STK3: variants seen among roughly 807,000 people sequenced by gnomAD.
STK3 encodes serine/threonine kinase 3.
STK3 carries 41 observed loss-of-function variants against 58.0 expected under a neutral mutation model. The observed-to-expected ratio is 0.71, with a 90% CI of 0.55 to 0.92. STK3 has a LOEUF of 0.92. STK3 is among the 40% of genes least tolerant of loss of function. The probability of loss-of-function intolerance (pLI) is 0.00; values close to 1 mark genes in which losing one functional copy is unlikely to be tolerated. For synonymous variants in STK3, 170 were observed against 191.0 expected, an observed-to-expected ratio of 0.89 and a Z score of 0.91; for missense variants, 479 against 602.7, an observed-to-expected ratio of 0.79 and a Z score of 2.15.
At chr8:98,909,077 C>T (rs1839034353) in intron 1 of STK3, among the ~76,000 whole-genome samples, 1 of 152,138 alleles carries the variant, frequency 6.6e-6, no homozygotes, top group African/African-American at 2.4e-5. Flanking sequence ...AGGAGAATTG[C>T]TTGAACCCAG....
intron 10 of STK3, among the ~76,000 whole-genome samples, chr8:98,517,700 C>T (rs1308248802): frequency 1.3e-5 from 2 of 152,134 alleles, no homozygotes; most frequent in Non-Finnish European, 1.5e-5. Flanking sequence ...TACTAGTTTC[C>T]TCAATCAATT....
chr8:98,669,897 G>A (rs187848719), intron 6 of STK3, among the ~76,000 whole-genome samples: 187 of 152,288 alleles, frequency 1.2e-3, no homozygotes, highest in African/African-American at 3.8e-3. Context: ...TCTTTCACAC[G>A]ATAGATGATA....
intron 1 of STK3, among the ~76,000 whole-genome samples, chr8:98,810,934 T>C (rs1834181323): frequency 6.6e-6 from 1 of 152,110 alleles, no homozygotes; most frequent in African/African-American, 2.4e-5. Context: ...TCTCTTCCCA[T>C]GTGACACACC....
chr8:98,589,796 C>T (rs758266984), intron 7 of STK3, among the ~76,000 whole-genome samples: 32 of 152,188 alleles, frequency 2.1e-4, no homozygotes, highest in Admixed American at 3.9e-4. Flanking sequence ...GATATAATCT[C>T]GTGGTGCACC....
chr8:98,813,035 TAA>T (rs11379449), intron 1 of STK3, among the ~76,000 whole-genome samples: 4 of 146,510 alleles, frequency 2.7e-5, no homozygotes, highest in Non-Finnish European at 4.5e-5. Flanking sequence ...TAAAGCACAA[TAA>T]AAAAAAAAAA....
intron 6 of STK3, among the ~76,000 whole-genome samples, chr8:98,656,136 C>T (rs1821485653): frequency 6.6e-6 from 1 of 152,110 alleles, no homozygotes; most frequent in African/African-American, 2.4e-5. Context: ...ACATATACAC[C>T]ATGGAATGAT....
At position 98,537,960 on chromosome 8, in the gene STK3, T is replaced by C. The variant is rs563813469; in HGVS notation, c.1141+10009A>G. On this transcript the variant is annotated intron_variant, in intron 9 of 10. Coordinates refer to ENST00000419617, the MANE Select transcript of STK3 (RefSeq NM_006281.4). ...CAATTATTCATTAAGTTTCCTAATTTGCACATCTTCTAAACAAGTAAAAAG... is the reference window on the plus strand; with the variant it reads ...CAATTATTCATTAAGTTTCCTAATTCGCACATCTTCTAAACAAGTAAAAAG... 7.2e-4 allele frequency among the ~76,000 whole-genome samples: 110 copies of C among 152,264 alleles called. 2 individuals are homozygous for C. In the South Asian group the frequency reaches 0.022, roughly 30 times the overall value.
downstream of STK3, chr8:98,879,220 T>C (rs1488737930): frequency 6.6e-6 from 1 of 152,248 alleles, no homozygotes; most frequent in Non-Finnish European, 1.5e-5. Context: ...TAATACAGTG[T>C]AAATGCTATG....
chr8:98,835,050 G>A (rs747924568), intron 3 of STK3, among the ~76,000 whole-genome samples: 32 of 152,176 alleles, frequency 2.1e-4, no homozygotes, highest in Admixed American at 1.8e-3. Context: ...AGTGGGTGAG[G>A]CAGCTAGACA....
chr8:98,468,122 T>C (rs1254102451), intron 10 of STK3, among the ~76,000 whole-genome samples: 2 of 152,250 alleles, frequency 1.3e-5, no homozygotes, highest in African/African-American at 4.8e-5. Flanking sequence ...CCACAGTTCA[T>C]TTAAAACAGT....
intron 6 of STK3, among the ~76,000 whole-genome samples, chr8:98,675,946 G>A (rs1365778520): frequency 6.6e-6 from 1 of 151,982 alleles, no homozygotes; most frequent in Non-Finnish European, 1.5e-5. Flanking sequence ...GCCAAAAGGT[G>A]GAAACAATCG....
At chr8:98,702,092 A>G (rs1011314498) in intron 6 of STK3, among the ~76,000 whole-genome samples, 1 of 152,186 alleles carries the variant, frequency 6.6e-6, no homozygotes, top group African/African-American at 2.4e-5. Flanking sequence ...ATATACTACA[A>G]GTTTCTTTGG....
At chr8:98,385,162 G>C (rs190829944) in intron 1 of STK3, among the ~76,000 whole-genome samples, 1 of 152,032 alleles carries the variant, frequency 6.6e-6, no homozygotes, top group Non-Finnish European at 1.5e-5. Flanking sequence ...GGTTTGATGG[G>C]TCCCCGAGAA....
At chr8:98,773,779 T>TTTTATTTA (rs56774049) in intron 2 of STK3, among the ~76,000 whole-genome samples, 42 of 151,064 alleles carry the variant, frequency 2.8e-4, no homozygotes, top group South Asian at 1.5e-3. Flanking sequence ...TATTTTTATT[T>TTTTATTTA]TTTATTTATT....
At chr8:98,421,741 A>T (rs1057192277) in intron 3 of STK3, among the ~76,000 whole-genome samples, 2 of 152,196 alleles carry the variant, frequency 1.3e-5, no homozygotes. Context: ...GCACCACTGC[A>T]CTACAGCCTG....
rs775032317 is a variant in STK3 at position 98,428,813 on chromosome 8, C to A, written n.483+5314G>T. 2 of 1,614,194 alleles carry A rather than the reference C, an allele frequency of 1.2e-6. No homozygotes were observed. Among genetic ancestry groups the A allele is most frequent in the Non-Finnish European group, 1.7e-6 (2 of 1,180,040 alleles). ...CCTTTTACATCACTCTGGTGGTGAA[C>A]CTGGTGGTGGAGAGCACACCTACTT... On this transcript the variant is annotated intron_variant and non_coding_transcript_variant, in intron 3 of 3. Coordinates refer to the STK3 transcript ENST00000517832. The surrounding 1 kb of genome is among the most constrained non-coding windows in gnomAD (Gnocchi z 6.7).
At chr8:98,347,332 G>T in the STK3 span, among the ~76,000 whole-genome samples, 1 of 151,766 alleles carries the variant, frequency 6.6e-6, no homozygotes, top group South Asian at 2.1e-4. Flanking sequence ...GCCTAACACG[G>T]TGAAACCCCG....
chr8:98,699,027 C>G (rs1414978257), intron 6 of STK3, among the ~76,000 whole-genome samples: 2 of 152,236 alleles, frequency 1.3e-5, no homozygotes, highest in Non-Finnish European at 2.9e-5. Flanking sequence ...GGTCTTTTCA[C>G]ATAGTCCCAT....
chr8:98,361,829 C>T, the STK3 span, among the ~76,000 whole-genome samples: 26 of 152,270 alleles, frequency 1.7e-4, no homozygotes, highest in Non-Finnish European at 3.8e-4. Flanking sequence ...AGGGACAGGC[C>T]TTCAACATGT....
Sources: gnomAD v4.1 joint callset for allele counts (sites outside exome capture counted in the v4.1 genomes callset) on GRCh38, gnomAD v4.1.1 for gene constraint, Gnocchi (gnomAD v3.1) non-coding constraint, MANE v1.5 for transcripts, NCBI Gene and HGNC (gene_info 2026-07-23, HGNC 2026-07-21) for gene names.